ENOSF1: variants seen among roughly 807,000 people sequenced by gnomAD.
The protein encoded by ENOSF1 is enolase superfamily member 1.
A neutral mutation model predicts 68.2 loss-of-function variants in ENOSF1; 73 were observed. The observed-to-expected ratio is 1.07, with a 90% CI of 0.89 to 1.30. The LOEUF is 1.30. Among genes scored for constraint, ENOSF1 ranks in the 50% most tolerant of loss-of-function variants. ENOSF1 has a pLI of 0.00. For synonymous variants in ENOSF1, 223 were observed against 210.4 expected (o/e 1.06, Z -0.52); for missense variants, 589 against 554.5 (o/e 1.06, Z -0.62).
Position 672,718 on chromosome 18 carries a change from T to C in ENOSF1, c.*1587A>G. The stretch of plus-strand genomic sequence containing the variant: ...TGCGCTCCAATCATGTTACATAACC[T>C]ACGGCAAGGTATCGACAGGATCATA... On this transcript the variant is annotated 3_prime_UTR_variant, in exon 16 of 16. Coordinates refer to ENST00000647584, the MANE Select transcript of ENOSF1 (RefSeq NM_017512.7). 1 of 890,774 alleles carries C rather than the reference T, an allele frequency of 1.1e-6. No individual in the cohort carries two copies. The highest frequency in any genetic ancestry group is 2.5e-5 in the Admixed American group (1 of 39,966). 55.2% of individuals were successfully genotyped at this position (890,774 alleles called of 1,614,324 possible).
At chr18:700,430 C>T (rs764133538) in intron 2 of ENOSF1, among the ~76,000 whole-genome samples, 118 of 152,196 alleles carry the variant, frequency 7.8e-4, no homozygotes, top group Non-Finnish European at 6.3e-4. Context: ...CTGAAGCATA[C>T]CTCTGGTTCA....
chr18:669,177 G>GA (rs1448083920), downstream of ENOSF1: 2 of 1,613,492 alleles, frequency 1.2e-6, no homozygotes, highest in South Asian at 1.1e-5. Context: ...CCAAGAGGTT[G>GA]AAAGAACCCC....
At chr18:669,771 TTTTTAACAATTATATTGTAAAATTCAAC>T (rs1222311783), downstream of ENOSF1, among the ~76,000 whole-genome samples, 2 of 152,082 alleles carry the variant, frequency 1.3e-5, no homozygotes, top group Non-Finnish European at 1.5e-5. Flanking sequence ...CTCACTAACA[TTTTTAACAATTATATTGTAAAATTCAAC>T]TCTACCAGGG....
At chr18:665,688 GTGT>G (rs545375812), downstream of ENOSF1, among the ~76,000 whole-genome samples, 777 of 96,856 alleles carry the variant, frequency 8.0e-3, 87 homozygotes, top group Non-Finnish European at 9.7e-3. Context: ...TGCTTTGAAT[GTGT>G]CCCAGAGATT....
intron 14 of ENOSF1, 26 bp downstream of exon 14, chr18:677,319 G>T (rs369817288): frequency 2.5e-6 from 4 of 1,588,856 alleles, no homozygotes; most frequent in Non-Finnish European, 3.5e-6. Context: ...TACTGAAACA[G>T]AAAGTATTAA....
chr18:677,674 A>G, intron 13 of ENOSF1, 69 bp downstream of exon 13: 1 of 1,543,250 alleles, frequency 6.5e-7, no homozygotes, highest in Non-Finnish European at 8.7e-7. Flanking sequence ...TGAATTGCAA[A>G]CCATCAAGGG....
chr18:712,319 TC>T lies in ENOSF1; in HGVS notation c.84+184del. On this transcript the variant is annotated intron_variant, in intron 1 of 15. Coordinates refer to ENST00000647584, the MANE Select transcript of ENOSF1 (RefSeq NM_017512.7). ...CTGCCCGGGGCCCGCAGAGCTGCAG[TC>T]GGCGGGGCGGGAGGGACCCGGGCCG... The T allele has an allele frequency of 1.7e-5, 20 of 1,186,014 alleles. 8 individuals carry two copies. Among genetic ancestry groups the T allele is most frequent in the South Asian group, 1.2e-4 (8 of 66,102 alleles). The allele number at this position is 1,186,014 out of a possible 1,614,324, so 73.5% of individuals were successfully genotyped here. A position where few individuals can be genotyped will look rare whatever the true frequency, so the allele number is the denominator to read the frequency against.
At chr18:683,032 A>C in intron 11 of ENOSF1, 1 of 557,452 alleles carries the variant, frequency 1.8e-6, no homozygotes, top group Non-Finnish European at 3.0e-6. Flanking sequence ...ACTTTATCTA[A>C]AACAAACAGA....
downstream of ENOSF1, among the ~76,000 whole-genome samples, chr18:669,736 A>G (rs977766630): frequency 1.3e-5 from 2 of 151,290 alleles, no homozygotes; most frequent in Non-Finnish European, 3.0e-5. Flanking sequence ...AAATGGAAGC[A>G]GATGAAGTTC....
At chr18:669,278 C>G (rs1247332706), downstream of ENOSF1, 1 of 840,480 alleles carries the variant, frequency 1.2e-6, no homozygotes, top group Non-Finnish European at 1.8e-6. Flanking sequence ...CTGGGAACTT[C>G]CCCCAGCCAC....
chr18:669,329 C>T (rs2074933749), downstream of ENOSF1: 2 of 559,018 alleles, frequency 3.6e-6, no homozygotes, highest in Non-Finnish European at 6.4e-6. Context: ...CATTTTGCTG[C>T]ACTTTCACCT....
chr18:666,164 G>GTTAC (rs2074811563), downstream of ENOSF1, among the ~76,000 whole-genome samples: 1 of 144,844 alleles, frequency 6.9e-6, no homozygotes, highest in African/African-American at 2.7e-5. Flanking sequence ...CTCTTTGTAG[G>GTTAC]TCAGATGATT....
chr18:684,159 A>AT (rs981659207), intron 10 of ENOSF1, among the ~76,000 whole-genome samples: 28 of 149,962 alleles, frequency 1.9e-4, no homozygotes, highest in South Asian at 6.4e-4. Flanking sequence ...ACACCAGGCT[A>AT]TTTTTTTTTG....
At chr18:669,188 G>A (rs752494510), downstream of ENOSF1, 11 of 1,607,884 alleles carry the variant, frequency 6.8e-6, no homozygotes, top group South Asian at 4.4e-5. Context: ...AAAGAACCCC[G>A]TCGTCTTCAT....
intron 9 of ENOSF1, chr18:687,385 T>C (rs1157641624): frequency 1.3e-5 from 2 of 152,132 alleles, no homozygotes; most frequent in Non-Finnish European, 2.9e-5. Flanking sequence ...TAGGGGATCT[T>C]GTTCCAATGC....
chr18:689,433 A>C (rs1314996048), intron 8 of ENOSF1, among the ~76,000 whole-genome samples: 6 of 152,048 alleles, frequency 3.9e-5, no homozygotes, highest in Non-Finnish European at 8.8e-5. Flanking sequence ...GATACGCATT[A>C]CCACGCCCAG....
At chr18:685,391 G>A (rs1471332322) in intron 10 of ENOSF1, among the ~76,000 whole-genome samples, 3 of 150,408 alleles carry the variant, frequency 2.0e-5, no homozygotes, top group Non-Finnish European at 4.4e-5. Flanking sequence ...TGTATAAATA[G>A]TGATCCTGGG....
rs367958272 is a variant in ENOSF1 at position 683,067 on chromosome 18, G to A, written c.876+179C>T. 2.0e-5 allele frequency: 15 copies of A among 734,790 alleles called. 1 individual carries two copies. Among genetic ancestry groups the A allele is most frequent in the Admixed American group, 3.1e-5 (1 of 32,704 alleles). The allele number at this position is 734,790 out of a possible 1,614,324, so 45.5% of individuals were successfully genotyped here. A position where few individuals can be genotyped will look rare whatever the true frequency, so the allele number is the denominator to read the frequency against. ...AAATAAGGGCAAAGTATAAGCTGAA[G>A]TAGAAAAAGGAATGTCAGGTCTGTA... On this transcript the variant is annotated intron_variant, in intron 11 of 15. Transcript: ENST00000647584.
chr18:691,468 C>T, intron 5 of ENOSF1, 192 bp from the exon 6 acceptor site: 1 of 559,304 alleles, frequency 1.8e-6, no homozygotes, highest in South Asian at 2.3e-5. Context: ...GCCTCAGCCT[C>T]CTGAGTAGCT....
Sources: allele counts gnomAD v4.1 joint callset (sites outside exome capture counted in the v4.1 genomes callset), GRCh38; gene constraint gnomAD v4.1.1; transcripts MANE v1.5; gene names NCBI Gene and HGNC (gene_info 2026-07-23, HGNC 2026-07-21).